MDGA2: variants seen among roughly 807,000 people sequenced by gnomAD.
The protein encoded by MDGA2 is MAM domain-containing glycosylphosphatidylinositol anchor protein 2.
In MDGA2, 40 loss-of-function variants were observed where a neutral mutation model predicts 117.8. That is an observed-to-expected ratio of 0.34 (90% confidence interval 0.26 to 0.44). MDGA2 has a LOEUF of 0.44. MDGA2 is among the 20% of genes least tolerant of loss of function. The pLI, the probability that MDGA2 is intolerant of heterozygous loss-of-function variation, is 1.00. For synonymous variants in MDGA2, 452 were observed against 439.0 expected (o/e 1.03, Z -0.37); for missense variants, 1,123 against 1,250.6 (o/e 0.90, Z 1.54).
intron 1 of MDGA2, among the ~76,000 whole-genome samples, chr14:47,435,723 T>C (rs1486980808): frequency 6.6e-6 from 1 of 152,126 alleles, no homozygotes; most frequent in East Asian, 1.9e-4. Flanking sequence ...AAACCTCTCT[T>C]GTACTGAGAG....
intron 1 of MDGA2, among the ~76,000 whole-genome samples, chr14:47,449,567 C>T (rs1297985197): frequency 6.6e-6 from 1 of 152,014 alleles, no homozygotes; most frequent in African/African-American, 2.4e-5. Flanking sequence ...ATTTGACAGA[C>T]AGTTAAACAC....
intron 5 of MDGA2, among the ~76,000 whole-genome samples, chr14:47,099,584 T>C (rs987795104): frequency 6.6e-6 from 1 of 151,974 alleles, no homozygotes; most frequent in Non-Finnish European, 1.5e-5. Flanking sequence ...AGGCTACCAA[T>C]ATGACTCTTC....
At chr14:47,219,631 T>C (rs1886225745) in intron 2 of MDGA2, among the ~76,000 whole-genome samples, 1 of 151,998 alleles carries the variant, frequency 6.6e-6, no homozygotes, top group African/African-American at 2.4e-5. Flanking sequence ...GCATAGAAAT[T>C]AGCCTACTGT....
intron 1 of MDGA2, among the ~76,000 whole-genome samples, chr14:47,347,328 T>A (rs1048190570): frequency 6.6e-6 from 1 of 152,148 alleles, no homozygotes; most frequent in Non-Finnish European, 1.5e-5. Context: ...ATGCCCGTAT[T>A]TGAGAGTGGT....
intron 1 of MDGA2, among the ~76,000 whole-genome samples, chr14:47,434,171 G>A (rs1241133534): frequency 6.6e-6 from 1 of 151,912 alleles, no homozygotes; most frequent in Non-Finnish European, 1.5e-5. Flanking sequence ...TTATTGAATA[G>A]GTGCCCTTTT....
intron 1 of MDGA2, among the ~76,000 whole-genome samples, chr14:47,383,231 G>T (rs1891676924): frequency 6.6e-6 from 1 of 151,918 alleles, no homozygotes; most frequent in East Asian, 1.9e-4. Context: ...AGCATTAGGA[G>T]ATATATCTAA....
intron 1 of MDGA2, among the ~76,000 whole-genome samples, chr14:47,637,113 T>A (rs934328150): frequency 6.6e-6 from 1 of 152,236 alleles, no homozygotes; most frequent in Non-Finnish European, 1.5e-5. Context: ...AACAACTTTA[T>A]GAGACCCGCT....
intron 1 of MDGA2, among the ~76,000 whole-genome samples, chr14:47,408,866 C>T (rs1892314090): frequency 6.6e-6 from 1 of 152,064 alleles, no homozygotes; most frequent in South Asian, 2.1e-4. Flanking sequence ...AGACTCTTAT[C>T]AAGAAGGTAA....
intron 9 of MDGA2, among the ~76,000 whole-genome samples, chr14:46,953,379 A>C (rs1300475403): frequency 6.6e-6 from 1 of 151,808 alleles, no homozygotes; most frequent in Admixed American, 6.6e-5. Context: ...GTCTCCATTG[A>C]TAAAATTCCT....
At chr14:47,464,479 C>A (rs1194647053) in intron 1 of MDGA2, among the ~76,000 whole-genome samples, 1 of 151,934 alleles carries the variant, frequency 6.6e-6, no homozygotes, top group African/African-American at 2.4e-5. Context: ...TGAAAAACAT[C>A]AAAGTTTCAG....
chr14:47,674,685 C>G lies in MDGA2; in HGVS notation c.112G>C (p.Ala38Pro). The G allele has an allele frequency of 8.2e-7, 1 of 1,213,046 alleles. No individual in the cohort carries two copies. Among genetic ancestry groups the G allele is most frequent in the African/African-American group, 1.5e-5 (1 of 66,450 alleles). The allele number at this position is 1,213,046 out of a possible 1,614,324, so 75.1% of individuals were successfully genotyped here. ...CAGGCGCGCTCCACTCGCGCCCGGG[C>G]CAAGCCGAGGTGCCCGGGAACCGCT... ...RRAVPGHLGLARARVERAWLA... is the reference protein window; with the variant it reads ...RRAVPGHLGLPRARVERAWLA... The change falls in exon 1 of 17, where the codon GCC becomes CCC. Residue 38 changes from alanine to proline, a missense_variant. By Grantham distance (27) the Ala-to-Pro change is conservative. Coordinates refer to ENST00000399232, the MANE Select transcript of MDGA2 (RefSeq NM_001113498.3).
intron 1 of MDGA2, among the ~76,000 whole-genome samples, chr14:47,366,812 G>A (rs1029430567): frequency 2.0e-5 from 3 of 149,470 alleles, no homozygotes; most frequent in East Asian, 1.9e-4. Context: ...TCACGTAACA[G>A]TACTTATCTC....
chr14:47,318,681 G>A (rs1889883109), intron 1 of MDGA2, among the ~76,000 whole-genome samples: 1 of 151,670 alleles, frequency 6.6e-6, no homozygotes, highest in Non-Finnish European at 1.5e-5. Context: ...CCAGCACATT[G>A]TGTTGTTCAT....
intron 1 of MDGA2, among the ~76,000 whole-genome samples, chr14:47,595,560 A>T (rs867519913): frequency 6.7e-6 from 1 of 150,238 alleles, no homozygotes; most frequent in East Asian, 1.9e-4. Context: ...AAAAAAACAA[A>T]AAAAAAAAAA....
chr14:46,869,325 C>T (rs1881904146), intron 14 of MDGA2, among the ~76,000 whole-genome samples: 1 of 146,330 alleles, frequency 6.8e-6, no homozygotes, highest in Non-Finnish European at 1.5e-5. Flanking sequence ...ACACTTTTGT[C>T]ATATCTAGTG....
intron 1 of MDGA2, among the ~76,000 whole-genome samples, chr14:47,349,278 G>A (rs999352546): frequency 1.3e-4 from 20 of 152,098 alleles, no homozygotes; most frequent in African/African-American, 4.6e-4. Flanking sequence ...CCTCTTTTTC[G>A]TTTCTTAAAT....
intron 1 of MDGA2, among the ~76,000 whole-genome samples, chr14:47,399,155 A>G (rs1330461070): frequency 2.0e-5 from 3 of 152,332 alleles, no homozygotes; most frequent in African/African-American, 7.2e-5. Context: ...CATAGGCAAC[A>G]AATAAGGGAA....
chr14:47,537,450 T>C (rs1180799193), intron 1 of MDGA2, among the ~76,000 whole-genome samples: 1 of 149,398 alleles, frequency 6.7e-6, no homozygotes, highest in Non-Finnish European at 1.5e-5. Flanking sequence ...AAACTTAGAG[T>C]ATAATAATAA....
At chr14:47,588,429 A>G (rs1189955409) in intron 1 of MDGA2, among the ~76,000 whole-genome samples, 1 of 151,750 alleles carries the variant, frequency 6.6e-6, no homozygotes, top group Non-Finnish European at 1.5e-5. Flanking sequence ...GCTATTGTTC[A>G]TCATTTTCAT....
Sources: gnomAD v4.1 joint callset for allele counts (sites outside exome capture counted in the v4.1 genomes callset) on GRCh38, gnomAD v4.1.1 for gene constraint, MANE v1.5 for transcripts, NCBI Gene and HGNC (gene_info 2026-07-23, HGNC 2026-07-21) for gene names.